The following MTNAP1 variants were observed in gnomAD, a reference collection of about 807,000 sequenced individuals.
The protein encoded by MTNAP1 is mitochondrial nucleoid associated protein 1.
chr17:73,236,910 G>T, the MTNAP1 span: 11 of 1,613,806 alleles, frequency 6.8e-6, no homozygotes, highest in Middle Eastern at 1.6e-4. Flanking sequence ...TTGGACTAGG[G>T]GTGTTGCCAG....
the MTNAP1 span, chr17:73,235,532 C>T: frequency 1.9e-6 from 3 of 1,613,938 alleles, no homozygotes; most frequent in Non-Finnish European, 2.5e-6. Flanking sequence ...TGTAAGAAGC[C>T]ATTTAAACGA....
the MTNAP1 span, among the ~76,000 whole-genome samples, chr17:73,233,622 G>C: frequency 6.6e-4 from 101 of 152,364 alleles, no homozygotes; most frequent in Non-Finnish European, 1.1e-3. Context: ...CCAGCACTTT[G>C]GGAGGCCGAG....
chr17:73,245,845 C>G, the MTNAP1 span: 19 of 478,914 alleles, frequency 4.0e-5, no homozygotes, highest in Non-Finnish European at 5.2e-5. Context: ...GAACCGGTGG[C>G]TAATGTATCA....
the MTNAP1 span, chr17:73,235,502 G>C: frequency 6.2e-7 from 1 of 1,612,022 alleles, no homozygotes; most frequent in Non-Finnish European, 8.5e-7. Context: ...AATCCACCCA[G>C]AATGGAAGTG....
chr17:73,236,344 G>T, the MTNAP1 span: 1 of 1,614,094 alleles, frequency 6.2e-7, no homozygotes, highest in Non-Finnish European at 8.5e-7. Context: ...GAGCTCATTA[G>T]GTAAAATCCA....
the MTNAP1 span, among the ~76,000 whole-genome samples, chr17:73,234,973 T>C: frequency 6.6e-6 from 1 of 152,116 alleles, no homozygotes; most frequent in Non-Finnish European, 1.5e-5. Context: ...CTCAGCACTT[T>C]AGGGGGCTGA....
chr17:73,248,283 C>G, the MTNAP1 span: 1 of 551,574 alleles, frequency 1.8e-6, no homozygotes, highest in Non-Finnish European at 3.2e-6. Context: ...CTGCTACCCA[C>G]AGAAGCCAGT....
the MTNAP1 span, chr17:73,248,552 A>G: frequency 5.8e-6 from 9 of 1,551,536 alleles, no homozygotes; most frequent in Non-Finnish European, 7.0e-6. Context: ...AGGTGCATAC[A>G]AATGCAGCGT....
chr17:73,242,373 TGTC>T, the MTNAP1 span: 9 of 1,483,620 alleles, frequency 6.1e-6, no homozygotes, highest in South Asian at 1.1e-4. Flanking sequence ...GTTTGACTGT[TGTC>T]TTCTGTTGCA....
At chr17:73,238,137 AG>A in the MTNAP1 span, among the ~76,000 whole-genome samples, 1 of 152,256 alleles carries the variant, frequency 6.6e-6, no homozygotes. Flanking sequence ...CCAAGGAGCC[AG>A]GAAGTTCCTG....
chr17:73,236,326 C>G, the MTNAP1 span: 1 of 1,614,008 alleles, frequency 6.2e-7, no homozygotes, highest in Non-Finnish European at 8.5e-7. Context: ...CATTTTAAGC[C>G]TTAAAATGAG....
the MTNAP1 span, among the ~76,000 whole-genome samples, chr17:73,234,773 C>CTGTG: frequency 2.4e-3 from 345 of 146,064 alleles, 2 homozygotes; most frequent in African/African-American, 7.6e-3. Flanking sequence ...TTATGTATAT[C>CTGTG]TGTGTGTGTG....
At chr17:73,234,773 CTGTG>C in the MTNAP1 span, among the ~76,000 whole-genome samples, 4 of 145,960 alleles carry the variant, frequency 2.7e-5, no homozygotes, top group African/African-American at 7.6e-5. Context: ...TTATGTATAT[CTGTG>C]TGTGTGTGTG....
the MTNAP1 span, chr17:73,243,231 T>C: frequency 1.9e-6 from 1 of 513,278 alleles, no homozygotes. Context: ...CTCAGCTCAC[T>C]GCAACCTCTG....
chr17:73,240,696 G>A, the MTNAP1 span, among the ~76,000 whole-genome samples: 5 of 152,312 alleles, frequency 3.3e-5, no homozygotes, highest in South Asian at 1.0e-3. Context: ...AAAAGGCAGG[G>A]CCAGTGAGCT....
At chr17:73,237,136 G>A in the MTNAP1 span, 2 of 939,024 alleles carry the variant, frequency 2.1e-6, no homozygotes, top group Non-Finnish European at 3.1e-6. Context: ...TGCATATAAA[G>A]TTGTCCTGAA....
chr17:73,232,730 C>G, the MTNAP1 span: 2 of 171,908 alleles, frequency 1.2e-5, no homozygotes, highest in East Asian at 1.6e-4. Context: ...GAGGACGGTG[C>G]TCTGTGGGGA....
At chr17:73,242,372 T>C in the MTNAP1 span, 6 of 1,483,000 alleles carry the variant, frequency 4.0e-6, no homozygotes, top group Non-Finnish European at 5.5e-6. Flanking sequence ...AGTTTGACTG[T>C]TGTCTTCTGT....
the MTNAP1 span, chr17:73,248,653 G>A: frequency 9.5e-7 from 1 of 1,057,256 alleles, no homozygotes; most frequent in South Asian, 1.4e-5. Flanking sequence ...TGCTTGAGAG[G>A]ACGTATTTGA....
Sources: gnomAD v4.1 joint callset for allele counts (sites outside exome capture counted in the v4.1 genomes callset) on GRCh38, gnomAD v4.1.1 for gene constraint, MANE v1.5 for transcripts, NCBI Gene and HGNC (gene_info 2026-07-23, HGNC 2026-07-21) for gene names.